SMCHD1: variants seen among roughly 807,000 people sequenced by gnomAD.
The protein encoded by SMCHD1 is structural maintenance of chromosomes flexible hinge domain-containing protein 1.
SMCHD1 carries 78 observed loss-of-function variants against 254.7 expected under a neutral mutation model. The ratio of observed to expected loss-of-function variants is 0.31; its 90% CI spans 0.26 to 0.37. The LOEUF (loss-of-function observed/expected upper bound fraction) is 0.37. Among genes scored for constraint, SMCHD1 ranks in the 10% least tolerant of loss-of-function variants. The probability of loss-of-function intolerance (pLI) is 1.00; values close to 1 mark genes in which losing one functional copy is unlikely to be tolerated. For missense variants in SMCHD1, 1,840 were observed against 2,408.1 expected (o/e 0.76, Z 4.94); for synonymous variants, 766 against 794.9 (o/e 0.96, Z 0.61).
intron 39 of SMCHD1, among the ~76,000 whole-genome samples, chr18:2,770,716 G>T (rs2075962861): frequency 6.6e-6 from 1 of 152,074 alleles, no homozygotes; most frequent in Non-Finnish European, 1.5e-5. Context: ...TGCCTCCCAA[G>T]TTCAAGTGAT....
intron 12 of SMCHD1, among the ~76,000 whole-genome samples, chr18:2,703,250 C>A (rs1192531456): frequency 6.6e-6 from 1 of 152,090 alleles, no homozygotes; most frequent in Non-Finnish European, 1.5e-5. Context: ...TACCATCTAT[C>A]TGTTTGTATA....
chr18:2,772,381 T>C lies in SMCHD1; in HGVS notation c.5175+9T>C. On this transcript the variant is annotated intron_variant, in intron 41 of 47. Transcript: ENST00000320876. ...GAGATGTTTTGGGAAAGGTTTGTGT[T>C]TATTAAGCCTTTTGAAAGGCAGTAC... The C allele has an allele frequency of 6.5e-7, 1 of 1,543,024 alleles. No homozygotes were observed.
In SMCHD1 at chr18:2,690,149, C is replaced by T. The variant is rs1360302565; in HGVS notation, c.873+1402C>T. On this transcript the variant is annotated intron_variant, in intron 7 of 47. Coordinates refer to ENST00000320876, the MANE Select transcript of SMCHD1 (RefSeq NM_015295.3). ...TACTCCCAAGTCCTAGAGAAGCCTA[C>T]TGAAACATTTTGGTGAATTTCCTTC... 4.6e-5 allele frequency among the ~76,000 whole-genome samples: 7 copies of T among 152,300 alleles called. No individual in the cohort carries two copies. The East Asian group carries it at 1.2e-3, about 25-fold the overall frequency.
intron 3 of SMCHD1, among the ~76,000 whole-genome samples, chr18:2,671,944 C>A (rs755991120): frequency 1.6e-4 from 24 of 152,094 alleles, no homozygotes; most frequent in Admixed American, 3.9e-4. Flanking sequence ...CAAGCCTTAA[C>A]TGTTGTACCT....
rs913836194 is a variant in SMCHD1 at position 2,706,340 on chromosome 18, A to G, written c.1957-24A>G. On this transcript the variant is annotated intron_variant, in intron 14 of 47. Transcript: ENST00000320876. ...CTAGATTTAAATAGTTTTCTTTGAA[A>G]TGTTGGTAAATGTATTTATTCAGGA... The G allele has an allele frequency of 2.8e-6, 4 of 1,444,146 alleles. No homozygotes were observed. The African/African-American group carries it at 4.3e-5, about 15-fold the overall frequency. The allele number at this position is 1,444,146 out of a possible 1,614,324, so 89.5% of individuals were successfully genotyped here.
chr18:2,656,992 C>G (rs1288096213), intron 1 of SMCHD1, among the ~76,000 whole-genome samples: 2 of 152,156 alleles, frequency 1.3e-5, no homozygotes, highest in Admixed American at 6.5e-5. Context: ...GGAGGGAAAT[C>G]CGCTTTAAAC....
At position 2,729,298 on chromosome 18, in the gene SMCHD1, A is replaced by G; in HGVS notation, c.2937A>G (p.Pro979=). 1 of 1,529,048 alleles carries G rather than the reference A, an allele frequency of 6.5e-7. No homozygotes were observed. The highest frequency in any genetic ancestry group is 2.3e-5 in the Admixed American group (1 of 43,352). 94.7% of individuals were successfully genotyped at this position (1,529,048 alleles called of 1,614,324 possible). Residue 979 remains proline (P), a synonymous_variant, in exon 24 of 48, where the codon CCA becomes CCG. Transcript: ENST00000320876. ...AGTTTTCAGGTGCTCCAAACCTTCC[A>G]GTCTATGTTGTAGATTGCAGTAGTT... ...HCKFSGAPNL[P]VYVVDCSSSG...
chr18:2,682,177 TC>T (rs1311456905), intron 5 of SMCHD1, among the ~76,000 whole-genome samples: 1 of 152,068 alleles, frequency 6.6e-6, no homozygotes, highest in African/African-American at 2.4e-5. Flanking sequence ...GTTTTTTTTT[TC>T]CTCCTTTGTT....
At chr18:2,673,978 A>G in intron 4 of SMCHD1, 37 bp from the exon 5 acceptor site, 1 of 1,543,278 alleles carries the variant, frequency 6.5e-7, no homozygotes, top group Non-Finnish European at 8.7e-7. Flanking sequence ...TATTGATTTG[A>G]CTTTTCCTGT....
chr18:2,768,540 TATAG>T (rs142001792), intron 37 of SMCHD1, among the ~76,000 whole-genome samples: 1,576 of 151,878 alleles, frequency 0.01, 23 homozygotes, highest in African/African-American at 0.032. Context: ...TTTGCTATGT[TATAG>T]ATAATTGTTT....
intron 25 of SMCHD1, among the ~76,000 whole-genome samples, chr18:2,736,289 TCAAAC>T (rs1318074574): frequency 1.3e-5 from 2 of 152,124 alleles, no homozygotes; most frequent in Admixed American, 1.3e-4. Flanking sequence ...ATGTAAAACT[TCAAAC>T]CATAAAAATT....
In SMCHD1 at chr18:2,778,175, G is replaced by C; in HGVS notation, c.5483G>C (p.Gly1828Ala). 1 of 1,602,968 alleles carries C rather than the reference G, an allele frequency of 6.2e-7. No individual in the cohort carries two copies. The highest frequency in any genetic ancestry group is 8.5e-7 in the Non-Finnish European group (1 of 1,173,912). Reference protein sequence around the residue: ...DNVEHCETVFGMLLGDTIILD... With the variant: ...DNVEHCETVFAMLLGDTIILD... ...CATTTATTGACTTTTTTAGTATTTG[G>C]TATGCTGTTAGGAGACACCATTATT... The change falls in exon 44 of 48, where the codon GGT (glycine) becomes GCT (alanine). Residue 1828 changes from glycine to alanine, a missense_variant. This residue lies in a region of SMCHD1 where 114 missense variants were observed against 217.6 expected (regional missense o/e 0.52). Coordinates refer to ENST00000320876, the MANE Select transcript of SMCHD1 (RefSeq NM_015295.3).
chr18:2,656,362 G>A (rs1303892791), intron 1 of SMCHD1, 101 bp downstream of exon 1: 3 of 1,115,578 alleles, frequency 2.7e-6, no homozygotes, highest in Non-Finnish European at 3.5e-6. Flanking sequence ...CTGTCACCCG[G>A]TCCCGGTCCT....
At chr18:2,744,107 T>C (rs746636240) in intron 29 of SMCHD1, among the ~76,000 whole-genome samples, 179 bp downstream of exon 29, 8 of 152,212 alleles carry the variant, frequency 5.3e-5, no homozygotes, top group Non-Finnish European at 1.0e-4. Context: ...ATTTGATTCA[T>C]CATTGTGTCC....
intron 41 of SMCHD1, among the ~76,000 whole-genome samples, chr18:2,773,737 CCTGGTGAAA>C (rs1215660516): frequency 6.6e-6 from 1 of 152,158 alleles, no homozygotes; most frequent in Non-Finnish European, 1.5e-5. Flanking sequence ...GCCTGGCCAA[CCTGGTGAAA>C]CCCCGTCTCT....
chr18:2,672,455 T>C (rs1035270455), intron 3 of SMCHD1, among the ~76,000 whole-genome samples: 2 of 152,196 alleles, frequency 1.3e-5, no homozygotes, highest in African/African-American at 2.4e-5. Flanking sequence ...CTCAAACTCC[T>C]GACCTCATGT....
At chr18:2,738,315 G>A in intron 25 of SMCHD1, 82 bp from the exon 26 acceptor site, 14 of 1,247,648 alleles carry the variant, frequency 1.1e-5, no homozygotes, top group Non-Finnish European at 1.5e-5. Context: ...GGATTATAAT[G>A]TAGTTTTAAG....
At chr18:2,696,993 T>C (rs1338219487) in intron 8 of SMCHD1, 39 bp from the exon 9 acceptor site, 1 of 910,158 alleles carries the variant, frequency 1.1e-6, no homozygotes, top group East Asian at 2.8e-5. Flanking sequence ...TATAATTTTA[T>C]GTGAATTAAA....
chr18:2,705,814 C>T lies in SMCHD1; in HGVS notation c.1956+7C>T, dbSNP rs145755468. The T allele has an allele frequency of 2.3e-3, 3,401 of 1,489,544 alleles. 12 individuals are homozygous for T. The highest frequency in any genetic ancestry group is 0.012 in the Middle Eastern group (69 of 5,766). The allele number at this position is 1,489,544 out of a possible 1,614,324, so 92.3% of individuals were successfully genotyped here. Reference sequence around the variant, plus strand: ...AGAGGTTCAAATTGCAATGGTAAGACAGCAAGTGATAAAACATACTGAAAG... The same window carrying T: ...AGAGGTTCAAATTGCAATGGTAAGATAGCAAGTGATAAAACATACTGAAAG... On this transcript the variant is annotated splice_region_variant and intron_variant, in intron 14 of 47. Transcript: ENST00000320876.
Sources: gnomAD v4.1 joint callset for allele counts (sites outside exome capture counted in the v4.1 genomes callset) on GRCh38, gnomAD v4.1.1 for gene constraint, gnomAD v4.1.1 regional missense constraint, MANE v1.5 for transcripts, NCBI Gene and HGNC (gene_info 2026-07-23, HGNC 2026-07-21) for gene names.